BTAF1: variants seen among roughly 807,000 people sequenced by gnomAD.
The protein encoded by BTAF1 is TATA-binding protein-associated factor 172.
In BTAF1, 38 loss-of-function variants were observed where a neutral mutation model predicts 227.1. That is an observed-to-expected ratio of 0.17 (90% CI 0.13 to 0.22). The LOEUF is 0.22. Among genes scored for constraint, BTAF1 ranks in the 10% least tolerant of loss-of-function variants. BTAF1 has a pLI of 1.00. For synonymous variants in BTAF1, 742 were observed against 751.9 expected (o/e 0.99, Z 0.21); for missense variants, 1,598 against 2,204.0 (o/e 0.73, Z 5.51).
At chr10:91,947,383 A>G (rs993624677) in intron 4 of BTAF1, among the ~76,000 whole-genome samples, 2 of 151,486 alleles carry the variant, frequency 1.3e-5, no homozygotes, top group African/African-American at 2.4e-5. Context: ...TTTTTTTTGT[A>G]TATGTTTTGA....
chr10:92,009,204 A>G lies in BTAF1; in HGVS notation c.4099A>G (p.Ile1367Val), dbSNP rs1037330791. The G allele has an allele frequency of 9.9e-6, 16 of 1,613,690 alleles. No homozygotes were observed. Among genetic ancestry groups the G allele is most frequent in the African/African-American group, 2.7e-5 (2 of 74,916 alleles). ...LHYTGPPTER[I>V]RLQHQVKRHN... Reference sequence around the variant, plus strand: ...TTACACTGGACCTCCCACTGAAAGAATAAGGTAAGAGTTGTATGACAATAA... The same window carrying G: ...TTACACTGGACCTCCCACTGAAAGAGTAAGGTAAGAGTTGTATGACAATAA... The change falls in exon 28 of 38, where the codon ATA becomes GTA. Residue 1367 changes from isoleucine to valine, a missense_variant. Ile to Val is a conservative substitution (Grantham distance 29). Transcript: ENST00000265990.
chr10:92,018,751 G>A (rs374746156), intron 33 of BTAF1, 32 bp from the exon 34 acceptor site: 2 of 1,416,374 alleles, frequency 1.4e-6, no homozygotes, highest in African/African-American at 2.9e-5. Context: ...ATGCGAAATT[G>A]ACTCATATAT....
chr10:92,001,899 G>C lies in BTAF1; in HGVS notation c.3660+4148G>C, dbSNP rs1465467950. The stretch of plus-strand genomic sequence containing the variant: ...AGGCCAAGGCAGGCGGATTCCTTGA[G>C]CTTAGGAGTTTGAAACCACCCTGGA... On this transcript the variant is annotated intron_variant, in intron 25 of 37. Coordinates refer to ENST00000265990, the MANE Select transcript of BTAF1 (RefSeq NM_003972.3). 2.1e-5 allele frequency among the ~76,000 whole-genome samples: 3 copies of C among 145,850 alleles called. No individual in the cohort carries two copies. The Admixed American group carries it at 2.1e-4, about 10-fold the overall frequency.
At chr10:91,950,172 A>G (rs1289767273) in intron 4 of BTAF1, among the ~76,000 whole-genome samples, 30 of 142,536 alleles carry the variant, frequency 2.1e-4, no homozygotes, top group Admixed American at 2.8e-4. Context: ...AAAGAAGACT[A>G]GGTTTTTAAT....
intron 25 of BTAF1, among the ~76,000 whole-genome samples, chr10:92,001,804 A>G (rs992227780): frequency 1.3e-5 from 2 of 152,080 alleles, no homozygotes; most frequent in African/African-American, 2.4e-5. Flanking sequence ...CCCAGATAAT[A>G]GATAAGGACA....
intron 19 of BTAF1, among the ~76,000 whole-genome samples, chr10:91,987,521 A>T (rs1188851816): frequency 1.3e-5 from 2 of 151,428 alleles, no homozygotes; most frequent in Non-Finnish European, 2.9e-5. Flanking sequence ...TCTCTTCTCT[A>T]TTTCCATTAT....
rs762911146 is a variant in BTAF1 at position 92,016,345 on chromosome 10, G to T, written c.4590G>T (p.Gln1530His). 2 of 1,597,900 alleles carry T rather than the reference G, an allele frequency of 1.3e-6. No individual in the cohort carries two copies. The highest frequency in any genetic ancestry group is 1.7e-6 in the Non-Finnish European group (2 of 1,173,872). ...CCACGGGGGCCATTTTACAGGTTCA[G>T]CTCTATGAAGATTTTGCTAAGTCTC... Reference protein sequence around the residue: ...YYCTLSPLQVQLYEDFAKSRA... With the variant: ...YYCTLSPLQVHLYEDFAKSRA... Residue 1530 changes from glutamine (Q) to histidine (H), a missense_variant, in exon 33 of 38, where the codon CAG becomes CAT. Transcript: ENST00000265990.
chr10:92,014,048 A>T lies in BTAF1; in HGVS notation c.4584+19A>T. On this transcript the variant is annotated intron_variant, in intron 32 of 37. Coordinates refer to ENST00000265990, the MANE Select transcript of BTAF1 (RefSeq NM_003972.3). ...TCTCCAGGTTAGGAATCTCGTGTTTATCATTGTTAGTGGTATGTTTATTAG... is the reference window on the plus strand; with the variant it reads ...TCTCCAGGTTAGGAATCTCGTGTTTTTCATTGTTAGTGGTATGTTTATTAG... 1 of 1,601,826 alleles carries T rather than the reference A, an allele frequency of 6.2e-7. No individual in the cohort carries two copies. The highest frequency in any genetic ancestry group is 8.5e-7 in the Non-Finnish European group (1 of 1,175,686).
chr10:91,937,789 A>G (rs1844737427), intron 2 of BTAF1, among the ~76,000 whole-genome samples: 1 of 152,164 alleles, frequency 6.6e-6, no homozygotes, highest in Non-Finnish European at 1.5e-5. Flanking sequence ...TCCATTCTCC[A>G]GAGTATATAT....
At chr10:91,994,493 A>G (rs1849006641) in intron 22 of BTAF1, 42 bp from the exon 23 acceptor site, 1 of 1,483,804 alleles carries the variant, frequency 6.7e-7, no homozygotes, top group Non-Finnish European at 9.3e-7. Context: ...CTAGATTTTG[A>G]AAAATTATTT....
intron 25 of BTAF1, among the ~76,000 whole-genome samples, chr10:92,001,964 A>C (rs1267830618): frequency 2.2e-5 from 2 of 92,466 alleles, no homozygotes; most frequent in Non-Finnish European, 5.1e-5. Context: ...AAAAAAAAAA[A>C]AAACCATATA....
At chr10:91,929,490 A>G (rs1242054029) in intron 1 of BTAF1, among the ~76,000 whole-genome samples, 18 of 152,244 alleles carry the variant, frequency 1.2e-4, no homozygotes, top group Non-Finnish European at 1.5e-5. Context: ...ACAAATTGCT[A>G]CATATAGCAG....
intron 1 of BTAF1, among the ~76,000 whole-genome samples, chr10:91,924,986 A>G (rs552106437): frequency 2.0e-5 from 3 of 152,220 alleles, no homozygotes; most frequent in Admixed American, 6.5e-5. Context: ...GGAATAAATG[A>G]TGAAAACAAA....
chr10:91,988,737 C>T (rs755242676), intron 19 of BTAF1, among the ~76,000 whole-genome samples: 18 of 152,168 alleles, frequency 1.2e-4, no homozygotes, highest in Non-Finnish European at 1.8e-4. Flanking sequence ...TAAGTTTTCA[C>T]GAGTTTTAGA....
At chr10:91,958,058 G>T (rs1846219705) in intron 8 of BTAF1, among the ~76,000 whole-genome samples, 1 of 151,762 alleles carries the variant, frequency 6.6e-6, no homozygotes, top group African/African-American at 2.4e-5. Context: ...TTCACTTTTT[G>T]ATTTTTTTGA....
Position 92,009,169 on chromosome 10 carries a change from A to G in BTAF1, c.4064A>G (p.Asn1355Ser). The change falls in exon 28 of 38, where the codon AAC (asparagine) becomes AGC (serine). Residue 1355 changes from asparagine to serine, a missense_variant. Physicochemically the swap from Asn to Ser is conservative, Grantham distance 46. Transcript: ENST00000265990. Reference protein sequence around the residue: ...VGKFCSREYLNPLHYTGPPTE... With the variant: ...VGKFCSREYLSPLHYTGPPTE... ...AAATTTTGCTCTAGAGAATATCTCAACCCGTTGCATTACACTGGACCTCCC... is the reference window on the plus strand; with the variant it reads ...AAATTTTGCTCTAGAGAATATCTCAGCCCGTTGCATTACACTGGACCTCCC... The G allele has an allele frequency of 6.2e-7, 1 of 1,614,138 alleles. No homozygotes were observed.
At chr10:91,957,151 T>C in intron 7 of BTAF1, 74 bp from the exon 8 acceptor site, 3 of 1,265,404 alleles carry the variant, frequency 2.4e-6, no homozygotes, top group South Asian at 1.3e-5. Context: ...AGAAATAAAA[T>C]TTATTAAGTT....
intron 14 of BTAF1, among the ~76,000 whole-genome samples, chr10:91,967,323 G>T (rs1846984309): frequency 6.6e-6 from 1 of 152,140 alleles, no homozygotes; most frequent in South Asian, 2.1e-4. Context: ...GTAAGCTTAG[G>T]AGTCCTTGCC....
chr10:91,961,943 T>G (rs562296552), intron 11 of BTAF1, among the ~76,000 whole-genome samples: 139 of 152,338 alleles, frequency 9.1e-4, no homozygotes, highest in Non-Finnish European at 1.6e-3. Flanking sequence ...TGTGTGTGTG[T>G]GTATTCACAC....
Sources: gnomAD v4.1 joint callset for allele counts (sites outside exome capture counted in the v4.1 genomes callset) on GRCh38, gnomAD v4.1.1 for gene constraint, MANE v1.5 for transcripts, NCBI Gene and HGNC (gene_info 2026-07-23, HGNC 2026-07-21) for gene names.